The following WDR11 variants were observed in gnomAD, a reference collection of about 807,000 sequenced individuals.
The protein encoded by WDR11 is WD repeat-containing protein 11.
WDR11 carries 83 observed loss-of-function variants against 151.2 expected under a neutral mutation model. That is an observed-to-expected ratio of 0.55 (90% CI 0.46 to 0.66). The LOEUF is 0.66. Among genes scored for constraint, WDR11 ranks in the 30% least tolerant of loss-of-function variants. The pLI is 0.00. For missense variants in WDR11, 1,301 were observed against 1,480.9 expected (o/e 0.88, Z 1.99); for synonymous variants, 484 against 533.1 (o/e 0.91, Z 1.27).
At chr10:120,881,969 T>G (rs28829929) in intron 13 of WDR11, among the ~76,000 whole-genome samples, 40,280 of 151,982 alleles carry the variant, frequency 0.27, 5,912 homozygotes, top group African/African-American at 0.39. Context: ...CAACATTAAG[T>G]ATGATACTAG....
chr10:120,873,830 T>C lies in WDR11; in HGVS notation c.1472-9T>C. Reference sequence around the variant, plus strand: ...GAATTAATGCTCTTCCATGATGTCATTTTGAAAGGTACAAGTAATGGTTCT... The same window carrying C: ...GAATTAATGCTCTTCCATGATGTCACTTTGAAAGGTACAAGTAATGGTTCT... On this transcript the variant is annotated splice_polypyrimidine_tract_variant and intron_variant, in intron 10 of 28. Transcript: ENST00000263461. 3 of 1,603,384 alleles carry C rather than the reference T, an allele frequency of 1.9e-6. No individual in the cohort carries two copies. The highest frequency in any genetic ancestry group is 2.6e-6 in the Non-Finnish European group (3 of 1,170,320).
chr10:120,903,929 C>A, intron 23 of WDR11, 118 bp from the exon 24 acceptor site: 1 of 689,294 alleles, frequency 1.5e-6, no homozygotes, highest in Non-Finnish European at 2.5e-6. Context: ...AGTTGATTAT[C>A]TAGTAACCTG....
In WDR11 at chr10:120,886,846, A is replaced by G; in HGVS notation, c.2121+10A>G. 6.2e-7 allele frequency: 1 copy of G among 1,613,930 alleles called. No homozygotes were observed. Among genetic ancestry groups the G allele is most frequent in the South Asian group, 1.1e-5 (1 of 91,046 alleles). On this transcript the variant is annotated intron_variant, in intron 16 of 28. Coordinates refer to ENST00000263461, the MANE Select transcript of WDR11 (RefSeq NM_018117.12). The stretch of plus-strand genomic sequence containing the variant: ...TCGGATTCCACCAGATGTGAGTACA[A>G]CCTTGATTAAATCTTCATCAAGAAG...
At position 120,862,823 on chromosome 10, in the gene WDR11, C is replaced by T; in HGVS notation, c.615C>T (p.Ser205=). 3 of 1,614,090 alleles carry T rather than the reference C, an allele frequency of 1.9e-6. No individual in the cohort carries two copies. The highest frequency in any genetic ancestry group is 2.5e-6 in the Non-Finnish European group (3 of 1,179,984). ...SGPGKKVYIS[S]PHSSPAHNKL... ...CTGGGAAAAAAGTTTACATATCCAG[C>T]CCACACTCTAGCCCAGCTCATAACA... Residue 205 remains serine, a synonymous_variant, in exon 5 of 29, where the codon AGC becomes AGT. Transcript: ENST00000263461.
chr10:120,870,677 C>T (rs1846504948), intron 9 of WDR11, among the ~76,000 whole-genome samples: 1 of 152,066 alleles, frequency 6.6e-6, no homozygotes, highest in Admixed American at 6.5e-5. Context: ...ATTAAGGTTT[C>T]TTATTAGAAA....
At chr10:120,866,455 T>A in intron 7 of WDR11, 114 bp from the exon 8 acceptor site, 1 of 1,145,512 alleles carries the variant, frequency 8.7e-7, no homozygotes, top group South Asian at 1.3e-5. Flanking sequence ...TGCTTGACAT[T>A]GCATTCATGA....
intron 19 of WDR11, among the ~76,000 whole-genome samples, chr10:120,896,046 C>T (rs1185923584): frequency 1.3e-5 from 2 of 152,086 alleles, no homozygotes; most frequent in Non-Finnish European, 2.9e-5. Flanking sequence ...TGAAAAAAGC[C>T]GAACTGCTTA....
intron 16 of WDR11, among the ~76,000 whole-genome samples, chr10:120,888,568 T>C (rs374723819): frequency 6.6e-6 from 1 of 152,258 alleles, no homozygotes; most frequent in East Asian, 1.9e-4. Context: ...CATATGCCTT[T>C]AGTAAACAGC....
chr10:120,899,014 G>C (rs1184681745), intron 19 of WDR11, among the ~76,000 whole-genome samples: 1 of 152,198 alleles, frequency 6.6e-6, no homozygotes, highest in Non-Finnish European at 1.5e-5. Context: ...AGTTGTAAAA[G>C]CCAGGGCACC....
Position 120,889,031 on chromosome 10 carries a change from AT to A in WDR11, c.2122-46del, listed in dbSNP as rs776242905. ...ATTAAAATATTTATTATAATGTCTT[AT>A]ACAGCATAGTGAAATTTATATTTGT... On this transcript the variant is annotated intron_variant, in intron 16 of 28. Transcript: ENST00000263461. 4.5e-6 allele frequency: 6 copies of A among 1,327,586 alleles called. 1 individual carries two copies. The African/African-American group carries it at 8.6e-5, about 19-fold the overall frequency. The allele number at this position is 1,327,586 out of a possible 1,614,324, so 82.2% of individuals were successfully genotyped here. A position where few individuals can be genotyped will look rare whatever the true frequency, so the allele number is the denominator to read the frequency against.
intron 17 of WDR11, chr10:120,889,561 G>T: frequency 2.4e-6 from 1 of 414,342 alleles, no homozygotes; most frequent in Non-Finnish European, 4.5e-6. Context: ...TCTTGATATG[G>T]TTCCATTAGA....
At chr10:120,852,249 CAG>C (rs1402426200) in intron 1 of WDR11, 1 of 410,470 alleles carries the variant, frequency 2.4e-6, no homozygotes, top group Non-Finnish European at 4.5e-6. Flanking sequence ...CAAGAACAGT[CAG>C]AGGGCACAAG....
intron 14 of WDR11, among the ~76,000 whole-genome samples, chr10:120,885,530 C>T (rs759743129): frequency 2.0e-5 from 3 of 151,778 alleles, no homozygotes; most frequent in African/African-American, 4.8e-5. Context: ...GGGGAGGAGA[C>T]GAGGAATAGG....
At chr10:120,902,146 A>C (rs1847849451) in intron 21 of WDR11, 111 bp from the exon 22 acceptor site, 1 of 900,614 alleles carries the variant, frequency 1.1e-6, no homozygotes, top group Non-Finnish European at 1.8e-6. Flanking sequence ...GTAAATTCTA[A>C]ACATGTTATT....
intron 9 of WDR11, among the ~76,000 whole-genome samples, chr10:120,867,631 T>G (rs1471313470): frequency 6.6e-6 from 1 of 152,250 alleles, no homozygotes; most frequent in African/African-American, 2.4e-5. Flanking sequence ...CTTTTGTTTT[T>G]CCTAACAGTT....
At chr10:120,871,439 A>ATATC in intron 10 of WDR11, 93 bp downstream of exon 10, 1 of 1,354,700 alleles carries the variant, frequency 7.4e-7, no homozygotes, top group East Asian at 2.3e-5. Flanking sequence ...CTTTTTGAGG[A>ATATC]TGCTTTAAAA....
At chr10:120,905,690 G>T in intron 26 of WDR11, 186 bp from the exon 27 acceptor site, 1 of 1,084,908 alleles carries the variant, frequency 9.2e-7, no homozygotes, top group South Asian at 1.4e-5. Flanking sequence ...GGTATAGCCA[G>T]GCCCTGGGTC....
chr10:120,885,294 C>T (rs1847180304), intron 14 of WDR11, among the ~76,000 whole-genome samples: 1 of 151,836 alleles, frequency 6.6e-6, no homozygotes, highest in African/African-American at 2.4e-5. Flanking sequence ...TATACACACA[C>T]ACACACACAC....
At chr10:120,874,193 G>GTTTTTTTTTTTTTTTT (rs1554854855) in intron 11 of WDR11, among the ~76,000 whole-genome samples, 1 of 75,332 alleles carries the variant, frequency 1.3e-5, no homozygotes, top group African/African-American at 4.6e-5. Context: ...TTTTTTTTTT[G>GTTTTTTTTTTTTTTTT]TTGTTGTTGT....
Sources: gnomAD v4.1 joint callset for allele counts (sites outside exome capture counted in the v4.1 genomes callset) on GRCh38, gnomAD v4.1.1 for gene constraint, MANE v1.5 for transcripts, NCBI Gene and HGNC (gene_info 2026-07-23, HGNC 2026-07-21) for gene names.